The following GRIK4 variants were observed in gnomAD, a reference collection of about 807,000 sequenced individuals.
The protein encoded by GRIK4 is glutamate ionotropic receptor kainate type subunit 4.
In GRIK4, 40 loss-of-function variants were observed where a neutral mutation model predicts 104.9. The ratio of observed to expected loss-of-function variants is 0.38; its 90% CI spans 0.30 to 0.50. The LOEUF (loss-of-function observed/expected upper bound fraction) is 0.50, where lower values mean the gene tolerates loss of function less well. GRIK4 is among the 20% of genes least tolerant of loss of function. The pLI is 0.93. For synonymous variants in GRIK4, 485 were observed against 524.9 expected, an observed-to-expected ratio of 0.92 and a Z score of 1.04; for missense variants, 1,047 against 1,308.1, an observed-to-expected ratio of 0.80 and a Z score of 3.08.
intron 11 of GRIK4, among the ~76,000 whole-genome samples, chr11:120,892,582 T>C (rs1008028778): frequency 6.6e-6 from 1 of 152,062 alleles, no homozygotes; most frequent in Admixed American, 6.6e-5. Flanking sequence ...TGATGCCAGG[T>C]GACACACTGC....
intron 3 of GRIK4, among the ~76,000 whole-genome samples, chr11:120,769,130 A>G (rs2135453474): frequency 6.6e-6 from 1 of 152,190 alleles, no homozygotes; most frequent in Non-Finnish European, 1.5e-5. Context: ...TCTTCCTTGA[A>G]TGTTTGGTAG....
chr11:120,543,247 C>T (rs1252268332), intron 1 of GRIK4, among the ~76,000 whole-genome samples: 1 of 152,074 alleles, frequency 6.6e-6, no homozygotes, highest in Non-Finnish European at 1.5e-5. Context: ...TGCACATGTA[C>T]CCCTGAACCT....
At position 120,831,824 on chromosome 11, in the gene GRIK4, C is replaced by A. The variant is rs982159250; in HGVS notation, c.512-28C>A. The A allele has an allele frequency of 5.0e-6, 8 of 1,589,982 alleles. No individual in the cohort carries two copies. The African/African-American group carries it at 1.1e-4, about 21-fold the overall frequency. The stretch of plus-strand genomic sequence containing the variant: ...CTCTAGAGGCAGCTCTGTGGACCCT[C>A]AGGGGCTTCATCCTCTCTCCCCTCC... On this transcript the variant is annotated intron_variant, in intron 6 of 20. Coordinates refer to ENST00000527524, the MANE Select transcript of GRIK4 (RefSeq NM_014619.5).
chr11:120,951,419 C>T (rs79161398), intron 14 of GRIK4, among the ~76,000 whole-genome samples: 4 of 152,252 alleles, frequency 2.6e-5, no homozygotes, highest in Admixed American at 6.5e-5. Context: ...GAGTTTAGCT[C>T]GGTATTGGCA....
chr11:120,521,353 T>G (rs558991079), intron 1 of GRIK4, among the ~76,000 whole-genome samples: 1 of 152,236 alleles, frequency 6.6e-6, no homozygotes, highest in South Asian at 2.1e-4. Flanking sequence ...ATTACAGGTG[T>G]GCGCCACCAC....
intron 20 of GRIK4, among the ~76,000 whole-genome samples, chr11:120,984,004 G>C (rs112076993): frequency 2.3e-4 from 35 of 152,238 alleles, no homozygotes; most frequent in African/African-American, 7.9e-4. Context: ...AACAATTGGG[G>C]GGTGTGATGG....
At chr11:120,572,806 C>G (rs568850302) in intron 1 of GRIK4, among the ~76,000 whole-genome samples, 4 of 152,162 alleles carry the variant, frequency 2.6e-5, no homozygotes, top group Non-Finnish European at 5.9e-5. Context: ...GTGTCTTTCC[C>G]CTTTTCATTT....
chr11:120,767,334 T>G (rs1212748907), intron 3 of GRIK4, among the ~76,000 whole-genome samples: 1 of 152,234 alleles, frequency 6.6e-6, no homozygotes, highest in African/African-American at 2.4e-5. Context: ...CTGTTGGCCA[T>G]TTGTATGTAT....
At chr11:120,721,801 G>A (rs575492461) in intron 3 of GRIK4, among the ~76,000 whole-genome samples, 42 of 152,236 alleles carry the variant, frequency 2.8e-4, no homozygotes, top group Non-Finnish European at 4.1e-4. Context: ...GGCTAACCCT[G>A]GGAGGGGCAG....
chr11:120,527,726 C>G (rs1339038276), intron 1 of GRIK4, among the ~76,000 whole-genome samples: 3 of 152,226 alleles, frequency 2.0e-5, no homozygotes, highest in Non-Finnish European at 4.4e-5. Context: ...TGGCATTGTG[C>G]TTGCATTTAT....
chr11:120,833,968 C>A (rs545714333), intron 7 of GRIK4, among the ~76,000 whole-genome samples: 2 of 152,296 alleles, frequency 1.3e-5, no homozygotes, highest in African/African-American at 4.8e-5. Context: ...ATTTATTTAA[C>A]CATCACTTTA....
At chr11:120,943,550 C>T (rs111320961) in intron 14 of GRIK4, among the ~76,000 whole-genome samples, 244 of 152,286 alleles carry the variant, frequency 1.6e-3, no homozygotes, top group African/African-American at 5.2e-3. Context: ...TCTAAACTTA[C>T]ATAGAGACTC....
At chr11:120,887,181 C>T (rs2135718238) in intron 11 of GRIK4, among the ~76,000 whole-genome samples, 1 of 152,288 alleles carries the variant, frequency 6.6e-6, no homozygotes, top group African/African-American at 2.4e-5. Flanking sequence ...TCATTTCGTT[C>T]AGCTCAGAGA....
At chr11:120,723,792 G>T (rs906867931) in intron 3 of GRIK4, among the ~76,000 whole-genome samples, 4 of 150,308 alleles carry the variant, frequency 2.7e-5, no homozygotes, top group Non-Finnish European at 5.9e-5. Context: ...GGTAGCACCT[G>T]TTTTTTTTTT....
chr11:120,568,498 C>T (rs564239727), intron 1 of GRIK4, among the ~76,000 whole-genome samples: 1 of 152,204 alleles, frequency 6.6e-6, no homozygotes, highest in African/African-American at 2.4e-5. Flanking sequence ...AGTGATTCCC[C>T]TGCTTCAGCC....
At chr11:120,544,557 C>T (rs556623938) in intron 1 of GRIK4, among the ~76,000 whole-genome samples, 1 of 152,312 alleles carries the variant, frequency 6.6e-6, no homozygotes, top group African/African-American at 2.4e-5. Flanking sequence ...TCTTGAGCTC[C>T]TGACCTCAGG....
rs1488199279 is a variant in GRIK4, at chr11:120,648,322, C to A, written c.-158-5363C>A. Among the ~76,000 whole-genome samples, 3 of 152,322 alleles carry A rather than the reference C, an allele frequency of 2.0e-5. No individual in the cohort carries two copies. The East Asian group carries it at 5.8e-4, about 29-fold the overall frequency. ...GTAAACTGTGTCAAATGCAGATGCC[C>A]AGGGCAGCCTCTGGATGGGGTGCCC... On this transcript the variant is annotated intron_variant, in intron 1 of 20. Coordinates refer to ENST00000527524, the MANE Select transcript of GRIK4 (RefSeq NM_014619.5).
chr11:120,626,798 T>A (rs1482644193), intron 1 of GRIK4, among the ~76,000 whole-genome samples: 1 of 152,206 alleles, frequency 6.6e-6, no homozygotes, highest in African/African-American at 2.4e-5. Flanking sequence ...TCTCCCTTGA[T>A]CAGGGCTCGT....
rs554108144 is a variant in GRIK4, at chr11:120,946,800, A to C, written c.1591-6055A>C. 5.9e-5 allele frequency among the ~76,000 whole-genome samples: 9 copies of C among 152,296 alleles called. No individual in the cohort carries two copies. The South Asian group carries it at 1.7e-3, about 28-fold the overall frequency. Reference sequence around the variant, plus strand: ...GTTTTTGGTCTCCAAATCTCCATACATGTCCAACTACCTGTCTTTACAGTA... The same window carrying C: ...GTTTTTGGTCTCCAAATCTCCATACCTGTCCAACTACCTGTCTTTACAGTA... On this transcript the variant is annotated intron_variant, in intron 14 of 20. Transcript: ENST00000527524.
Sources: gnomAD v4.1 joint callset for allele counts (sites outside exome capture counted in the v4.1 genomes callset) on GRCh38, gnomAD v4.1.1 for gene constraint, MANE v1.5 for transcripts, NCBI Gene and HGNC (gene_info 2026-07-23, HGNC 2026-07-21) for gene names.